Variants in CDH13 observed in about 807,000 individuals in gnomAD.
The protein encoded by CDH13 is cadherin 13.
A neutral mutation model predicts 63.8 loss-of-function variants in CDH13; 24 were observed. That is an observed-to-expected ratio of 0.38 (90% CI 0.27 to 0.53). The LOEUF (loss-of-function observed/expected upper bound fraction) is 0.53. Among genes scored for constraint, CDH13 ranks in the 20% least tolerant of loss-of-function variants. The pLI is 0.85. For missense variants in CDH13, 1,049 were observed against 903.1 expected (o/e 1.16, Z -2.07); for synonymous variants, 503 against 355.3 (o/e 1.42, Z -4.67).
At chr16:82,958,061 C>T (rs1430301336) in intron 2 of CDH13, among the ~76,000 whole-genome samples, 1 of 152,178 alleles carries the variant, frequency 6.6e-6, no homozygotes, top group Non-Finnish European at 1.5e-5. Flanking sequence ...CTGTCTTTCT[C>T]TTAGTAAACT....
chr16:82,875,906 A>G (rs2040489018), intron 2 of CDH13, among the ~76,000 whole-genome samples: 1 of 152,194 alleles, frequency 6.6e-6, no homozygotes, highest in East Asian at 1.9e-4. Flanking sequence ...AGAAAGGTTT[A>G]TTGGACTTAC....
intron 7 of CDH13, among the ~76,000 whole-genome samples, chr16:83,543,002 T>C (rs1055489294): frequency 5.3e-5 from 8 of 152,250 alleles, no homozygotes; most frequent in Non-Finnish European, 1.5e-5. Context: ...ATGCTGCTGG[T>C]CTAGCAACCC....
At chr16:82,797,185 G>A (rs1055762398) in intron 1 of CDH13, among the ~76,000 whole-genome samples, 1 of 152,168 alleles carries the variant, frequency 6.6e-6, no homozygotes, top group Non-Finnish European at 1.5e-5. Context: ...AGTGTGGGGA[G>A]GAATGGTGAC....
Position 83,217,350 on chromosome 16 carries a change from C to T in CDH13, c.489C>T (p.Val163=), listed in dbSNP as rs2151788125. 4.3e-6 allele frequency: 7 copies of T among 1,613,702 alleles called. No homozygotes were observed. In the South Asian group the frequency reaches 7.7e-5, roughly 18 times the overall value. The change falls in exon 5 of 14, where the codon GTC becomes GTT. Residue 163 remains valine, a synonymous_variant. Coordinates refer to ENST00000567109, the MANE Select transcript of CDH13 (RefSeq NM_001257.5). ...CTCTCTGTTTTTCTGACTAGGTAGT[C>T]GATAGTGACAGGCCAGAAAGGTCCA... is the stretch of plus-strand genomic sequence containing the variant. ...QPFPRDVGKV[V]DSDRPERSKF...
At chr16:83,314,649 C>T (rs759776642) in intron 5 of CDH13, among the ~76,000 whole-genome samples, 9 of 152,118 alleles carry the variant, frequency 5.9e-5, no homozygotes, top group Non-Finnish European at 7.4e-5. Context: ...CCATCTCTTC[C>T]AACACAAGAA....
chr16:83,623,340 C>G (rs1263771266), intron 8 of CDH13, among the ~76,000 whole-genome samples: 1 of 152,152 alleles, frequency 6.6e-6, no homozygotes, highest in South Asian at 2.1e-4. Flanking sequence ...CACTTGGGCC[C>G]TTTCAGCGCC....
chr16:83,034,387 G>A (rs1173534120), intron 3 of CDH13, among the ~76,000 whole-genome samples: 2 of 152,094 alleles, frequency 1.3e-5, no homozygotes, highest in African/African-American at 4.8e-5. Flanking sequence ...CGAATGTACG[G>A]CACGTCAGTC....
intron 1 of CDH13, among the ~76,000 whole-genome samples, chr16:82,810,166 A>G (rs1165654511): frequency 1.3e-5 from 2 of 152,226 alleles, no homozygotes; most frequent in Non-Finnish European, 2.9e-5. Context: ...TCTAAATGAG[A>G]TGTTATCCAG....
chr16:83,741,478 A>G (rs12935436), intron 10 of CDH13, among the ~76,000 whole-genome samples: 16,868 of 95,348 alleles, frequency 0.18, 1,102 homozygotes, highest in African/African-American at 0.26. Flanking sequence ...TACTATATAT[A>G]TGTGTGTGTG....
intron 4 of CDH13, among the ~76,000 whole-genome samples, chr16:83,138,295 C>T (rs2036384814): frequency 6.6e-6 from 1 of 152,034 alleles, no homozygotes; most frequent in South Asian, 2.1e-4. Flanking sequence ...TTATGGATTC[C>T]CCCGAGAAGA....
At chr16:82,907,928 C>T (rs189654486) in intron 2 of CDH13, among the ~76,000 whole-genome samples, 3 of 152,266 alleles carry the variant, frequency 2.0e-5, no homozygotes, top group African/African-American at 7.2e-5. Flanking sequence ...AAATTAGCTT[C>T]TTCAAAAAAT....
chr16:83,370,406 T>G (rs1352626618), intron 6 of CDH13, among the ~76,000 whole-genome samples: 1 of 150,316 alleles, frequency 6.7e-6, no homozygotes, highest in Non-Finnish European at 1.5e-5. Flanking sequence ...AAAAAAAAAC[T>G]TCCATATTTT....
At chr16:83,191,514 C>T (rs1223237280) in intron 4 of CDH13, among the ~76,000 whole-genome samples, 4 of 81,338 alleles carry the variant, frequency 4.9e-5, no homozygotes, top group African/African-American at 1.2e-4. Flanking sequence ...TACACACACA[C>T]ACACACACAC....
At chr16:83,136,928 C>A (rs183654205) in intron 4 of CDH13, among the ~76,000 whole-genome samples, 1 of 152,210 alleles carries the variant, frequency 6.6e-6, no homozygotes, top group Non-Finnish European at 1.5e-5. Flanking sequence ...GGCATAAATT[C>A]TCCCACAGCG....
chr16:83,022,767 C>G (rs1181700067), intron 2 of CDH13, among the ~76,000 whole-genome samples: 1 of 152,304 alleles, frequency 6.6e-6, no homozygotes, highest in Non-Finnish European at 1.5e-5. Context: ...TATGTGCAGA[C>G]ACATTTGCAA....
Position 83,427,865 on chromosome 16 carries a change from C to G in CDH13, c.782-58612C>G, listed in dbSNP as rs893856344. Among the ~76,000 whole-genome samples, 3 of 152,230 alleles carry G rather than the reference C, an allele frequency of 2.0e-5. 1 individual carries two copies. Among genetic ancestry groups the G allele is most frequent in the Non-Finnish European group, 4.4e-5 (3 of 68,046 alleles). ...AGTATTAACAATTACATTCCTGTGA[C>G]TCCTTTCAGGGCCGTGAAGATGTTC... On this transcript the variant is annotated intron_variant, in intron 6 of 13. Coordinates refer to ENST00000567109, the MANE Select transcript of CDH13 (RefSeq NM_001257.5).
intron 6 of CDH13, among the ~76,000 whole-genome samples, chr16:83,426,907 CTTTTTTTTTTTTTTTT>C (rs71148833): frequency 2.8e-4 from 18 of 63,184 alleles, no homozygotes; most frequent in African/African-American, 7.1e-4. Flanking sequence ...ATGTTTCTTT[CTTTTTTTTTTTTTTTT>C]TTTTTTTTTT....
intron 11 of CDH13, among the ~76,000 whole-genome samples, chr16:83,765,694 G>C (rs1431701340): frequency 6.6e-6 from 1 of 151,908 alleles, no homozygotes; most frequent in Non-Finnish European, 1.5e-5. Flanking sequence ...TAAAATACTG[G>C]TGCTGAAAAA....
At chr16:83,754,141 T>G (rs72799194) in intron 11 of CDH13, among the ~76,000 whole-genome samples, 4,902 of 152,216 alleles carry the variant, frequency 0.032, 118 homozygotes, top group East Asian at 0.086. Flanking sequence ...GAGTGAAATC[T>G]CCTTGGGTCT....
Sources: gnomAD v4.1 joint callset for allele counts (sites outside exome capture counted in the v4.1 genomes callset) on GRCh38, gnomAD v4.1.1 for gene constraint, MANE v1.5 for transcripts, NCBI Gene and HGNC (gene_info 2026-07-23, HGNC 2026-07-21) for gene names.